NLRP9: variants seen among roughly 807,000 people sequenced by gnomAD.
NLRP9 encodes the protein NACHT, LRR and PYD domains-containing protein 9.
A neutral mutation model predicts 83.1 loss-of-function variants in NLRP9; 88 were observed. That is an observed-to-expected ratio of 1.06 (90% confidence interval 0.89 to 1.26). The LOEUF (loss-of-function observed/expected upper bound fraction) is 1.26, where lower values mean the gene tolerates loss of function less well. Ranked by LOEUF, NLRP9 falls within the 50% of genes most tolerant of loss-of-function variation. The pLI is 0.00. For missense variants in NLRP9, 1,308 were observed against 1,179.3 expected, an observed-to-expected ratio of 1.11 and a Z score of -1.60; for synonymous variants, 521 against 447.6, an observed-to-expected ratio of 1.16 and a Z score of -2.07.
chr19:55,711,319 A>G, intron 8 of NLRP9: 4 of 970,976 alleles, frequency 4.1e-6, no homozygotes, highest in Non-Finnish European at 3.7e-6. Flanking sequence ...AATTCATCCT[A>G]CAGATTTCAA....
chr19:55,720,209 T>C (rs1360287196), intron 4 of NLRP9, among the ~76,000 whole-genome samples: 1 of 152,214 alleles, frequency 6.6e-6, no homozygotes, highest in Non-Finnish European at 1.5e-5. Flanking sequence ...AAACCTGACT[T>C]TATACTACAT....
At position 55,732,428 on chromosome 19, in the gene NLRP9, G is replaced by A. The variant is rs768799325; in HGVS notation, c.1403C>T (p.Pro468Leu). ...AAGCTGGGTTATGCTTCCAATGGCC[G>A]GGTTAGGATCGTCTTTGGGTCGTTT... Reference protein sequence around the residue: ...LLKRPKDDPNPAIGSITQLVR... With the variant: ...LLKRPKDDPNLAIGSITQLVR... The change falls in exon 2 of 9, where the codon CCG becomes CTG. Residue 468 changes from proline to leucine, a missense_variant. Physicochemically the swap from Pro to Leu is moderately conservative, Grantham distance 98. Transcript: ENST00000332836. 107 of 1,614,104 alleles carry A rather than the reference G, an allele frequency of 6.6e-5. No homozygotes were observed. The highest frequency in any genetic ancestry group is 8.2e-5 in the Non-Finnish European group (97 of 1,180,050).
chr19:55,729,959 A>G lies in NLRP9; in HGVS notation c.1866T>C (p.Leu622=). 1 of 1,612,206 alleles carries G rather than the reference A, an allele frequency of 6.2e-7. No homozygotes were observed. The highest frequency in any genetic ancestry group is 1.1e-5 in the South Asian group (1 of 90,940). The change falls in exon 3 of 9, where the codon CTT becomes CTC. Residue 622 remains leucine, a synonymous_variant. Transcript: ENST00000332836. ...YNEKLVYWRE[L]CSMFITNKNF... ...TCTTGTTGGTAATGAACATTGAGCA[A>G]AGCTCCCGCCAGTAGACGAGCTTCT...
chr19:55,714,816 G>C (rs1987942758), intron 6 of NLRP9, among the ~76,000 whole-genome samples: 1 of 152,060 alleles, frequency 6.6e-6, no homozygotes, highest in Non-Finnish European at 1.5e-5. Context: ...TGGTGGAAGG[G>C]GCAGAAGAGT....
intron 3 of NLRP9, among the ~76,000 whole-genome samples, chr19:55,726,639 C>T (rs11672430): frequency 0.086 from 13,160 of 152,200 alleles, 695 homozygotes; most frequent in Middle Eastern, 0.16. Flanking sequence ...AGTATAACTT[C>T]TTCCTTAACT....
chr19:55,729,391 C>A (rs930907252), intron 3 of NLRP9, among the ~76,000 whole-genome samples: 2 of 152,086 alleles, frequency 1.3e-5, no homozygotes, highest in East Asian at 1.9e-4. Flanking sequence ...CCCTCTCCCC[C>A]CACCCCACAA....
At chr19:55,728,011 G>T (rs757305274) in intron 3 of NLRP9, among the ~76,000 whole-genome samples, 1 of 152,086 alleles carries the variant, frequency 6.6e-6, no homozygotes. Flanking sequence ...TCTCCCCGTG[G>T]GATCACCAGG....
rs767075323 is a variant in NLRP9 at position 55,711,954 on chromosome 19, T to G, written c.2689A>C (p.Ile897Leu). 8.1e-6 allele frequency: 13 copies of G among 1,612,842 alleles called. No homozygotes were observed. The Admixed American group carries it at 2.2e-4, about 27-fold the overall frequency. The change falls in exon 8 of 9, where the codon ATC (isoleucine) becomes CTC (leucine). Residue 897 changes from isoleucine (I) to leucine (L), a missense_variant. By Grantham distance (5) the Ile-to-Leu change is conservative (BLOSUM62 2). Coordinates refer to ENST00000332836, the MANE Select transcript of NLRP9 (RefSeq NM_176820.4). ...ATGTCGTCGCAGCAGGCACGGGTGA[T>G]CGGACACGTTTGCAGCCTGCAAAAG... Reference protein sequence around the residue: ...LECLGLQTCPITRACCDDIAA... With the variant: ...LECLGLQTCPLTRACCDDIAA...
chr19:55,716,680 G>T, intron 5 of NLRP9, 48 bp downstream of exon 5: 1 of 1,521,532 alleles, frequency 6.6e-7, no homozygotes, highest in Non-Finnish European at 9.1e-7. Flanking sequence ...GTGGATCCAG[G>T]TGCACGCTTC....
chr19:55,718,600 A>G (rs1274970267), intron 4 of NLRP9, among the ~76,000 whole-genome samples: 2 of 152,166 alleles, frequency 1.3e-5, no homozygotes, highest in Non-Finnish European at 2.9e-5. Flanking sequence ...CTTTCCTTGA[A>G]CTTATTCATG....
chr19:55,738,202 A>C lies in NLRP9; in HGVS notation c.173T>G (p.Leu58Arg). 1.9e-6 allele frequency: 3 copies of C among 1,614,172 alleles called. No individual in the cohort carries two copies. Among genetic ancestry groups the C allele is most frequent in the Non-Finnish European group, 2.5e-6 (3 of 1,180,022 alleles). ...CTTTCCTGGGTAATGTTTGTCCAGCAGCTTTGCTACATCTTCTTTGGAGGC... is the reference window on the plus strand; with the variant it reads ...CTTTCCTGGGTAATGTTTGTCCAGCCGCTTTGCTACATCTTCTTTGGAGGC... ...KKASKEDVAK[L>R]LDKHYPGKQA... Residue 58 changes from leucine to arginine, a missense_variant, in exon 1 of 9, where the codon CTG becomes CGG. By Grantham distance (102) the Leu-to-Arg change is moderately radical. Coordinates refer to ENST00000332836, the MANE Select transcript of NLRP9 (RefSeq NM_176820.4).
intron 2 of NLRP9, 23 bp downstream of exon 2, chr19:55,731,976 G>C: frequency 1.4e-6 from 2 of 1,436,924 alleles, no homozygotes; most frequent in Non-Finnish European, 1.9e-6. Context: ...TGTGTGGGAC[G>C]GGGGATTAAT....
intron 8 of NLRP9, among the ~76,000 whole-genome samples, chr19:55,710,745 G>T (rs532101956): frequency 1.3e-5 from 2 of 152,140 alleles, no homozygotes; most frequent in Non-Finnish European, 2.9e-5. Context: ...TATGCTTCTT[G>T]TACAGCCTGC....
chr19:55,738,391 G>T lies in NLRP9; in HGVS notation c.-17C>A. 3 of 1,604,348 alleles carry T rather than the reference G, an allele frequency of 1.9e-6. No individual in the cohort carries two copies. The highest frequency in any genetic ancestry group is 1.7e-6 in the Non-Finnish European group (2 of 1,176,546). On this transcript the variant is annotated 5_prime_UTR_variant, in exon 1 of 9. Coordinates refer to ENST00000332836, the MANE Select transcript of NLRP9 (RefSeq NM_176820.4). ...TTCTGCCATATCGCCCCAGGATTGT[G>T]AACTGAGGTGTCTCCAGAGGGAAAA...
In NLRP9 at chr19:55,724,154, A is replaced by G; in HGVS notation, c.1995-10T>C. ...GTACACAGAAGTAAATCTGCAAAAG[A>G]TTAAAAAAAAAATAGCATCATGCAA... On this transcript the variant is annotated splice_polypyrimidine_tract_variant and intron_variant, in intron 3 of 8. Coordinates refer to ENST00000332836, the MANE Select transcript of NLRP9 (RefSeq NM_176820.4). 1 of 1,591,474 alleles carries G rather than the reference A, an allele frequency of 6.3e-7. No homozygotes were observed. The highest frequency in any genetic ancestry group is 8.6e-7 in the Non-Finnish European group (1 of 1,165,704).
rs758736525 is a variant in NLRP9 at position 55,733,009 on chromosome 19, T to C, written c.822A>G (p.Ala274=). ...GTTTTTGCATAGCCAGTTTTCCTAA[T>C]GCAATAAGGAGAGAGGATTCTGGAA... ...KMLPESSLLI[A]LGKLAMQKHY... Residue 274 remains alanine (A), a synonymous_variant, in exon 2 of 9, where the codon GCA becomes GCG. Coordinates refer to ENST00000332836, the MANE Select transcript of NLRP9 (RefSeq NM_176820.4). 1.2e-6 allele frequency: 2 copies of C among 1,614,226 alleles called. No homozygotes were observed. The highest frequency in any genetic ancestry group is 1.7e-5 in the Admixed American group (1 of 60,026).
intron 8 of NLRP9, chr19:55,711,453 G>A (rs988743326): frequency 1.4e-5 from 18 of 1,307,112 alleles, no homozygotes; most frequent in African/African-American, 6.0e-5. Context: ...CTGAGCTGGC[G>A]TTGCATATTT....
chr19:55,723,933 C>A, intron 4 of NLRP9, 47 bp downstream of exon 4: 1 of 1,517,346 alleles, frequency 6.6e-7, no homozygotes, highest in South Asian at 1.2e-5. Flanking sequence ...AACTGCAAAG[C>A]CCACCTTGGA....
chr19:55,712,458 T>C lies in NLRP9; in HGVS notation c.2634A>G (p.Ala878=), dbSNP rs200549398. The part of the protein sequence containing the change: ...IGDTGVRQLC[A]ALQHPHCKLE... ...ATTTACAGTGAGGATGCTGCAAAGCTGCACATAACTGTCTGACACCAGTGT... is the reference window on the plus strand; with the variant it reads ...ATTTACAGTGAGGATGCTGCAAAGCCGCACATAACTGTCTGACACCAGTGT... Residue 878 remains alanine (A), a synonymous_variant, in exon 7 of 9, where the codon GCA becomes GCG. Transcript: ENST00000332836. 171 of 1,612,858 alleles carry C rather than the reference T, an allele frequency of 1.1e-4. No homozygotes were observed. The highest frequency in any genetic ancestry group is 5.1e-6 in the Non-Finnish European group (6 of 1,179,826).
Sources: gnomAD v4.1 joint callset for allele counts (sites outside exome capture counted in the v4.1 genomes callset) on GRCh38, gnomAD v4.1.1 for gene constraint, MANE v1.5 for transcripts, NCBI Gene and HGNC (gene_info 2026-07-23, HGNC 2026-07-21) for gene names.